Variants in SLC45A4 observed in about 807,000 individuals in gnomAD.
The protein encoded by SLC45A4 is solute carrier family 45 member 4, also known as polyamine-transporter SLC45A4.
SLC45A4 carries 32 observed loss-of-function variants against 63.7 expected under a neutral mutation model. That is an observed-to-expected ratio of 0.50 (90% CI 0.38 to 0.67). SLC45A4 has a LOEUF of 0.67. SLC45A4 is among the 30% of genes least tolerant of loss of function. SLC45A4 has a pLI of 0.00. For missense variants in SLC45A4, 1,027 were observed against 1,157.7 expected, an observed-to-expected ratio of 0.89 and a Z score of 1.64; for synonymous variants, 535 against 510.0, an observed-to-expected ratio of 1.05 and a Z score of -0.66.
intron 1 of SLC45A4, among the ~76,000 whole-genome samples, chr8:141,274,193 C>T (rs186784638): frequency 2.0e-5 from 3 of 150,946 alleles, no homozygotes; most frequent in Admixed American, 6.6e-5. Context: ...CACGCCACTG[C>T]GCTCCAGCCT....
intron 1 of SLC45A4, among the ~76,000 whole-genome samples, chr8:141,260,316 G>A (rs1412561504): frequency 1.3e-5 from 2 of 152,344 alleles, no homozygotes; most frequent in East Asian, 3.9e-4. Context: ...AAGCTTCCGA[G>A]CTTCTAAGAG....
intron 1 of SLC45A4, among the ~76,000 whole-genome samples, chr8:141,270,986 C>G (rs1238000280): frequency 6.6e-6 from 1 of 152,286 alleles, no homozygotes; most frequent in East Asian, 1.9e-4. Context: ...TATAAATGAG[C>G]AAATGAAGCG....
chr8:141,232,848 G>A (rs541096256), intron 2 of SLC45A4, among the ~76,000 whole-genome samples: 55 of 152,248 alleles, frequency 3.6e-4, no homozygotes, highest in Non-Finnish European at 7.5e-4. Flanking sequence ...AATGGCTCCC[G>A]GGTGAACGCT....
At chr8:141,213,767 A>G (rs899477677) in intron 7 of SLC45A4, among the ~76,000 whole-genome samples, 1 of 152,256 alleles carries the variant, frequency 6.6e-6, no homozygotes, top group Non-Finnish European at 1.5e-5. Context: ...AATAAAATCA[A>G]TAAAGTCTCA....
intron 2 of SLC45A4, among the ~76,000 whole-genome samples, chr8:141,250,994 T>C (rs1828439782): frequency 6.6e-6 from 1 of 152,200 alleles, no homozygotes; most frequent in African/African-American, 2.4e-5. Context: ...ATACACATCA[T>C]CTGCCATAGA....
At chr8:141,275,285 C>A (rs574910736) in intron 1 of SLC45A4, among the ~76,000 whole-genome samples, 2 of 152,334 alleles carry the variant, frequency 1.3e-5, no homozygotes, top group East Asian at 3.9e-4. Flanking sequence ...TCAAGATGAA[C>A]AATATCTCCT....
At chr8:141,223,735 G>A (rs1451120769) in intron 2 of SLC45A4, among the ~76,000 whole-genome samples, 1 of 152,208 alleles carries the variant, frequency 6.6e-6, no homozygotes, top group Non-Finnish European at 1.5e-5. Context: ...GCCAGGTCCT[G>A]CGTTTTCCAC....
rs185836262 is a variant in SLC45A4 at position 141,207,542 on chromosome 8, A to G, written c.*4030T>C. On this transcript the variant is annotated 3_prime_UTR_variant, in exon 9 of 9. Coordinates refer to ENST00000517878, the MANE Select transcript of SLC45A4 (RefSeq NM_001286646.2). Reference sequence around the variant, plus strand: ...CAGTGCTCCAACTTAATAAGTTGATAAAAAGCTGTCCCGTGGCCAGTTCAC... The same window carrying G: ...CAGTGCTCCAACTTAATAAGTTGATGAAAAGCTGTCCCGTGGCCAGTTCAC... The G allele has an allele frequency of 6.6e-6, 1 of 152,410 alleles. No homozygotes were observed. The highest frequency in any genetic ancestry group is 1.9e-4 in the East Asian group (1 of 5,192). 9.4% of individuals were successfully genotyped at this position (152,410 alleles called of 1,614,324 possible).
chr8:141,272,482 C>A (rs1345213275), intron 1 of SLC45A4, among the ~76,000 whole-genome samples: 1 of 152,238 alleles, frequency 6.6e-6, no homozygotes, highest in African/African-American at 2.4e-5. Context: ...ACAGCTTCCA[C>A]CCTTACCCAC....
intron 3 of SLC45A4, among the ~76,000 whole-genome samples, chr8:141,220,695 C>T (rs1363148815): frequency 6.6e-6 from 1 of 152,244 alleles, no homozygotes; most frequent in Non-Finnish European, 1.5e-5. Context: ...CCTTGCTGGC[C>T]TCCTCAGACC....
intron 1 of SLC45A4, among the ~76,000 whole-genome samples, chr8:141,264,873 A>G (rs563564601): frequency 2.0e-5 from 3 of 152,338 alleles, no homozygotes; most frequent in Admixed American, 2.0e-4. Flanking sequence ...GCTATAATTT[A>G]CATGCAGTGA....
rs796131840 is a variant in SLC45A4, at chr8:141,209,921, G to GA, written c.*1650dup. Reference sequence around the variant, plus strand: ...CAGCTGGCGAGGAATCGGCTTTGGTGAGCCCTGGATCCGGCCCCTGGGCCT... The same window carrying GA: ...CAGCTGGCGAGGAATCGGCTTTGGTGAAGCCCTGGATCCGGCCCCTGGGCCT... On this transcript the variant is annotated 3_prime_UTR_variant, in exon 9 of 9. Coordinates refer to ENST00000517878, the MANE Select transcript of SLC45A4 (RefSeq NM_001286646.2). 2.0e-4 allele frequency: 30 copies of GA among 152,380 alleles called. No individual in the cohort carries two copies. Among genetic ancestry groups the GA allele is most frequent in the African/African-American group, 6.7e-4 (28 of 41,592 alleles). The allele number at this position is 152,380 out of a possible 1,614,324, so 9.4% of individuals were successfully genotyped here.
intron 1 of SLC45A4, among the ~76,000 whole-genome samples, chr8:141,284,976 C>T (rs563809964): frequency 8.8e-5 from 13 of 147,024 alleles, no homozygotes; most frequent in African/African-American, 2.7e-4. Context: ...CCTGGGGCCT[C>T]GGCCCCCCAG....
intron 1 of SLC45A4, among the ~76,000 whole-genome samples, chr8:141,262,521 G>GA (rs1199788657): frequency 4.7e-5 from 7 of 149,752 alleles, no homozygotes; most frequent in African/African-American, 1.7e-4. Flanking sequence ...AAATTTACAA[G>GA]AAAAAAAACA....
chr8:141,248,404 TA>T (rs1828315099), intron 2 of SLC45A4, among the ~76,000 whole-genome samples: 1 of 151,808 alleles, frequency 6.6e-6, no homozygotes, highest in South Asian at 2.1e-4. Context: ...TCCATCTCCC[TA>T]AAAAATTTAA....
chr8:141,211,661 G>A lies in SLC45A4; in HGVS notation c.2338C>T (p.His780Tyr), dbSNP rs1276523109. 1.2e-6 allele frequency: 2 copies of A among 1,607,382 alleles called. No individual in the cohort carries two copies. The highest frequency in any genetic ancestry group is 2.2e-5 in the East Asian group (1 of 44,814). Residue 780 changes from histidine (H) to tyrosine (Y), a missense_variant, in exon 9 of 9, where the codon CAT becomes TAT. His to Tyr is a moderately conservative substitution (Grantham distance 83). Coordinates refer to ENST00000517878, the MANE Select transcript of SLC45A4 (RefSeq NM_001286646.2). ...AGIDVCQISS[H>Y]WLVPQLLESI... ...TCCAACAGCTGCGGCACCAGCCAAT[G>A]TGACGAGATCTGACAGACGTCAATA...
chr8:141,211,458 A>C lies in SLC45A4; in HGVS notation c.*114T>G. The C allele has an allele frequency of 1.3e-6, 2 of 1,593,474 alleles. No homozygotes were observed. The highest frequency in any genetic ancestry group is 1.7e-6 in the Non-Finnish European group (2 of 1,169,664). Reference sequence around the variant, plus strand: ...CCCTGCAAATCACTGTCTTCTGCCCAGGCCCCCCGGACCAGCCTCCTCCCA... The same window carrying C: ...CCCTGCAAATCACTGTCTTCTGCCCCGGCCCCCCGGACCAGCCTCCTCCCA... On this transcript the variant is annotated 3_prime_UTR_variant, in exon 9 of 9. Transcript: ENST00000517878.
chr8:141,263,490 G>A (rs958521642), intron 1 of SLC45A4, among the ~76,000 whole-genome samples: 5 of 151,812 alleles, frequency 3.3e-5, no homozygotes, highest in African/African-American at 4.8e-5. Context: ...GGTCATGGCC[G>A]GGCGCAGTGG....
intron 2 of SLC45A4, among the ~76,000 whole-genome samples, chr8:141,222,814 C>T (rs1000363342): frequency 6.6e-6 from 1 of 152,086 alleles, no homozygotes; most frequent in Non-Finnish European, 1.5e-5. Context: ...ACTTGGGTGC[C>T]GGTTGCCCTT....
Sources: gnomAD v4.1 joint callset for allele counts (sites outside exome capture counted in the v4.1 genomes callset) on GRCh38, gnomAD v4.1.1 for gene constraint, MANE v1.5 for transcripts, NCBI Gene and HGNC (gene_info 2026-07-23, HGNC 2026-07-21) for gene names.